The following ADGRV1 variants were observed in gnomAD, a reference collection of about 807,000 sequenced individuals.
ADGRV1 encodes the protein adhesion G protein-coupled receptor V1, also known as G-protein coupled receptor 98.
In ADGRV1, 359 loss-of-function variants were observed where a neutral mutation model predicts 596.2. That is an observed-to-expected ratio of 0.60 (90% confidence interval 0.55 to 0.66). The LOEUF (loss-of-function observed/expected upper bound fraction) is 0.66, where lower values mean the gene tolerates loss of function less well. ADGRV1 is among the 30% of genes least tolerant of loss of function. The pLI is 0.00. For missense variants in ADGRV1, 7,274 were observed against 7,575.6 expected (o/e 0.96, Z 1.48); for synonymous variants, 2,681 against 2,679.2 (o/e 1.00, Z -0.02).
rs761304831 is a variant in ADGRV1, at chr5:90,705,406, C to T, written c.8393C>T (p.Pro2798Leu). Residue 2798 changes from proline (P) to leucine (L), a missense_variant, in exon 37 of 90, where the codon CCA becomes CTA. Coordinates refer to ENST00000405460, the MANE Select transcript of ADGRV1 (RefSeq NM_032119.4). ...ILYDVRTQGV[P>L]PAGIALLDAQ... ...TCCTGCCTGACATTTTTAGGAGTTCCACCAGCCGGAATCGCCCTGCTTGAT... is the reference window on the plus strand; with the variant it reads ...TCCTGCCTGACATTTTTAGGAGTTCTACCAGCCGGAATCGCCCTGCTTGAT... 10 of 1,612,978 alleles carry T rather than the reference C, an allele frequency of 6.2e-6. No homozygotes were observed. The Middle Eastern group carries it at 6.6e-4, about 106-fold the overall frequency.
rs776937064 is a variant in ADGRV1, at chr5:90,558,868, G to A, written c.-28G>A. On this transcript the variant is annotated 5_prime_UTR_variant, in exon 1 of 90. Coordinates refer to ENST00000405460, the MANE Select transcript of ADGRV1 (RefSeq NM_032119.4). ...GAGGCAGAGCGAGGGTGTGTGGAGG[G>A]CCGGCGGGGACCGCCGGGAGCGCGC... 7.1e-6 allele frequency: 11 copies of A among 1,560,192 alleles called. No homozygotes were observed. In the East Asian group the frequency reaches 1.9e-4, roughly 27 times the overall value.
chr5:90,652,438 A>C lies in ADGRV1; in HGVS notation c.3509A>C (p.Tyr1170Ser), dbSNP rs188772875. The C allele has an allele frequency of 1.2e-6, 2 of 1,613,452 alleles. No individual in the cohort carries two copies. Among genetic ancestry groups the C allele is most frequent in the Non-Finnish European group, 1.7e-6 (2 of 1,179,558 alleles). Residue 1170 changes from tyrosine to serine, a missense_variant, in exon 19 of 90, where the codon TAT becomes TCT. By Grantham distance (144) the Tyr-to-Ser change is moderately radical. Transcript: ENST00000405460. The stretch of plus-strand genomic sequence containing the variant: ...GCTTTGCAGCCTGGGCAGGAGTTCT[A>C]TGAAACTTCAGGAACTGTTAACTTC... ...DSALQPGQEF[Y>S]ETSGTVNFMD...
chr5:91,143,753 C>T (rs1484229995), intron 87 of ADGRV1, among the ~76,000 whole-genome samples: 1 of 152,192 alleles, frequency 6.6e-6, no homozygotes, highest in Non-Finnish European at 1.5e-5. Flanking sequence ...GGTGGGGCCT[C>T]AACAGGGGCC....
chr5:90,970,223 A>G (rs982126724), intron 84 of ADGRV1, among the ~76,000 whole-genome samples: 2 of 152,168 alleles, frequency 1.3e-5, no homozygotes, highest in African/African-American at 2.4e-5. Context: ...ACAAAGCAGC[A>G]GGGAAGCTCG....
chr5:91,127,394 A>T (rs1793851493), intron 87 of ADGRV1, among the ~76,000 whole-genome samples: 1 of 151,980 alleles, frequency 6.6e-6, no homozygotes, highest in African/African-American at 2.4e-5. Context: ...TTAAAAATTA[A>T]CTAGGCATGG....
intron 9 of ADGRV1, among the ~76,000 whole-genome samples, chr5:90,632,092 G>A (rs975277076): frequency 1.3e-5 from 2 of 152,022 alleles, no homozygotes; most frequent in Non-Finnish European, 2.9e-5. Flanking sequence ...AGTGTCCTCA[G>A]GTTTCAGGGT....
At chr5:90,733,080 C>A (rs1752760728) in intron 50 of ADGRV1, among the ~76,000 whole-genome samples, 1 of 152,074 alleles carries the variant, frequency 6.6e-6, no homozygotes, top group South Asian at 2.1e-4. Flanking sequence ...TTGAAGAGGG[C>A]CTTTAGCTGG....
At chr5:90,826,481 A>T (rs1029361813) in intron 76 of ADGRV1, among the ~76,000 whole-genome samples, 1 of 152,222 alleles carries the variant, frequency 6.6e-6, no homozygotes, top group African/African-American at 2.4e-5. Context: ...GACATTGGAC[A>T]GGTTGCTTAG....
In ADGRV1 at chr5:90,683,793, T is replaced by G. The variant is rs762954914; in HGVS notation, c.5872T>G (p.Ser1958Ala). ...SVSVLSVSSG[S>A]LGAHINATLT... The stretch of plus-strand genomic sequence containing the variant: ...GTCAGTCCTCAGTGTTTCCAGTGGT[T>G]CTTTGGGAGCTCATATTAATGCCAC... Residue 1958 changes from serine (S) to alanine (A), a missense_variant, in exon 28 of 90, where the codon TCT (serine) becomes GCT (alanine). Coordinates refer to ENST00000405460, the MANE Select transcript of ADGRV1 (RefSeq NM_032119.4). 6.8e-6 allele frequency: 11 copies of G among 1,613,778 alleles called. No homozygotes were observed. The Admixed American group carries it at 1.7e-4, about 24-fold the overall frequency.
At chr5:90,667,137 C>T (rs1378030923) in intron 21 of ADGRV1, among the ~76,000 whole-genome samples, 1 of 149,908 alleles carries the variant, frequency 6.7e-6, no homozygotes, top group East Asian at 2.0e-4. Flanking sequence ...CTCTGTATTT[C>T]CTGAATCTGA....
At chr5:90,852,369 C>G (rs1766618774) in intron 79 of ADGRV1, among the ~76,000 whole-genome samples, 1 of 152,194 alleles carries the variant, frequency 6.6e-6, no homozygotes, top group Non-Finnish European at 1.5e-5. Context: ...TACTCTACAT[C>G]TATTGTGACA....
At chr5:90,595,610 G>A (rs1180532549) in intron 1 of ADGRV1, among the ~76,000 whole-genome samples, 1 of 127,646 alleles carries the variant, frequency 7.8e-6, no homozygotes, top group African/African-American at 3.2e-5. Context: ...GCCGGGCGGG[G>A]GGCTGACCCC....
intron 83 of ADGRV1, among the ~76,000 whole-genome samples, chr5:90,933,672 A>C: frequency 6.6e-6 from 1 of 152,064 alleles, no homozygotes; most frequent in East Asian, 1.9e-4. Context: ...GTATTCAAAA[A>C]CCCTCACTAT....
intron 83 of ADGRV1, among the ~76,000 whole-genome samples, chr5:90,869,009 G>T (rs535967509): frequency 6.6e-6 from 1 of 151,992 alleles, no homozygotes; most frequent in Non-Finnish European, 1.5e-5. Context: ...TTAAGATTGC[G>T]CAATGAGAAA....
chr5:90,796,013 A>G (rs1389872671), intron 70 of ADGRV1, among the ~76,000 whole-genome samples: 1 of 152,192 alleles, frequency 6.6e-6, no homozygotes, highest in African/African-American at 2.4e-5. Context: ...ATCCACAAAG[A>G]GGGGGAGAAA....
At chr5:90,723,868 T>C (rs1031446777) in intron 45 of ADGRV1, among the ~76,000 whole-genome samples, 4 of 152,144 alleles carry the variant, frequency 2.6e-5, no homozygotes, top group Non-Finnish European at 5.9e-5. Flanking sequence ...TAAGAGACTA[T>C]ACATTTTTTA....
At chr5:90,831,614 T>C (rs1764537329) in intron 77 of ADGRV1, among the ~76,000 whole-genome samples, 1 of 152,128 alleles carries the variant, frequency 6.6e-6, no homozygotes. Context: ...CAATAAATTA[T>C]TGTTGACTAT....
chr5:90,953,417 A>G (rs1478874913), intron 83 of ADGRV1, among the ~76,000 whole-genome samples: 3 of 152,186 alleles, frequency 2.0e-5, no homozygotes, highest in Non-Finnish European at 2.9e-5. Flanking sequence ...GAGTCAAAAT[A>G]TTACTCAGTG....
At position 90,645,915 on chromosome 5, in the gene ADGRV1, T is replaced by C. The variant is rs1228036297; in HGVS notation, c.2899-53T>C. 2.2e-6 allele frequency: 3 copies of C among 1,373,156 alleles called. No homozygotes were observed. The African/African-American group carries it at 4.4e-5, about 20-fold the overall frequency. 85.1% of individuals were successfully genotyped at this position (1,373,156 alleles called of 1,614,324 possible). A position where few individuals can be genotyped will look rare whatever the true frequency, so the allele number is the denominator to read the frequency against. ...AACTGAATAATTTAAGAATATATGA[T>C]GTAATTTATATGTATAAGTCACCTG... On this transcript the variant is annotated intron_variant, in intron 15 of 89. Transcript: ENST00000405460.
Sources: allele counts gnomAD v4.1 joint callset (sites outside exome capture counted in the v4.1 genomes callset), GRCh38; gene constraint gnomAD v4.1.1; transcripts MANE v1.5; gene names NCBI Gene and HGNC (gene_info 2026-07-23, HGNC 2026-07-21).